The following USP40 variants were observed in gnomAD, a reference collection of about 807,000 sequenced individuals.
The protein encoded by USP40 is ubiquitin specific peptidase 40.
Under a neutral mutation model 166.2 loss-of-function variants are expected in USP40, and 143 were observed. The observed-to-expected ratio is 0.86, with a 90% CI of 0.75 to 0.99. The LOEUF is 0.99. Among genes scored for constraint, USP40 ranks in the 50% least tolerant of loss-of-function variants. The pLI is 0.00. For missense variants in USP40, 1,444 were observed against 1,479.7 expected (o/e 0.98, Z 0.40); for synonymous variants, 498 against 524.0 (o/e 0.95, Z 0.68).
intron 26 of USP40, among the ~76,000 whole-genome samples, chr2:233,490,857 T>A (rs762178637): frequency 6.6e-6 from 1 of 152,176 alleles, no homozygotes; most frequent in African/African-American, 2.4e-5. Context: ...ATAAAGTGAA[T>A]GCTTTACAAA....
At chr2:233,497,056 G>A (rs1468119963) in intron 23 of USP40, among the ~76,000 whole-genome samples, 1 of 152,168 alleles carries the variant, frequency 6.6e-6, no homozygotes, top group Non-Finnish European at 1.5e-5. Context: ...TGAGGCAAGG[G>A]AGTTAGATGA....
rs1347196975 is a variant in USP40, at chr2:233,521,100, T to G, written c.2216A>C (p.Glu739Ala). ...SHDDNSLLTK[E>A]EKWVTSMNEI... ...ATTCATACTAGTGACCCATTTCTCT[T>G]CCTTGGTCAACAAGCTGTAGGTAAA... The change falls in exon 17 of 32, where the codon GAA becomes GCA. Residue 739 changes from glutamate (E) to alanine (A), a missense_variant. Transcript: ENST00000678225. 1 of 1,611,734 alleles carries G rather than the reference T, an allele frequency of 6.2e-7. No homozygotes were observed. The highest frequency in any genetic ancestry group is 1.1e-5 in the South Asian group (1 of 90,682).
At chr2:233,482,778 C>T (rs1414727384) in intron 30 of USP40, among the ~76,000 whole-genome samples, 1 of 152,144 alleles carries the variant, frequency 6.6e-6, no homozygotes, top group Admixed American at 6.5e-5. Context: ...AAGTGATCTG[C>T]CTGCCTTGGC....
chr2:233,542,365 T>C lies in USP40; in HGVS notation c.967-2A>G. On this transcript the variant is annotated splice_acceptor_variant, in intron 8 of 31. Coordinates refer to ENST00000678225, the MANE Select transcript of USP40 (RefSeq NM_001365479.2). LOFTEE classifies it high-confidence loss of function. ...CACATCTGGTTTACTTTTTTCCTCC[T>C]AGGAAGGAAAACAGTATGAGTTTCT... 1 of 1,532,524 alleles carries C rather than the reference T, an allele frequency of 6.5e-7. No homozygotes were observed. Among genetic ancestry groups the C allele is most frequent in the Non-Finnish European group, 8.8e-7 (1 of 1,134,172 alleles). The allele number at this position is 1,532,524 out of a possible 1,614,324, so 94.9% of individuals were successfully genotyped here. A position where few individuals can be genotyped will look rare whatever the true frequency, so the allele number is the denominator to read the frequency against.
chr2:233,534,083 G>A lies in USP40; in HGVS notation c.1171-304C>T, dbSNP rs1280256176. Among the ~76,000 whole-genome samples, 7 of 152,122 alleles carry A rather than the reference G, an allele frequency of 4.6e-5. No homozygotes were observed. The East Asian group carries it at 1.3e-3, about 29-fold the overall frequency. ...GTATTTAACTGGAACAGATTAGGTA[G>A]AACAAACACTTTTGAAATATTTAAA... On this transcript the variant is annotated intron_variant, in intron 10 of 31. Coordinates refer to ENST00000678225, the MANE Select transcript of USP40 (RefSeq NM_001365479.2).
intron 27 of USP40, among the ~76,000 whole-genome samples, chr2:233,488,523 T>C (rs781776477): frequency 1.3e-5 from 2 of 152,232 alleles, no homozygotes; most frequent in African/African-American, 2.4e-5. Context: ...TAGGTCTGGC[T>C]CTGGGAAGAT....
intron 8 of USP40, among the ~76,000 whole-genome samples, chr2:233,547,866 G>C (rs1029574491): frequency 6.6e-6 from 1 of 152,136 alleles, no homozygotes; most frequent in African/African-American, 2.4e-5. Context: ...TTACTGACAA[G>C]GTGATTCTAG....
intron 18 of USP40, 56 bp downstream of exon 18, chr2:233,519,553 CTTCAA>C (rs1485436625): frequency 1.2e-5 from 14 of 1,126,436 alleles, no homozygotes; most frequent in Non-Finnish European, 2.6e-6. Flanking sequence ...CCTATATTTT[CTTCAA>C]TTCAAGACCA....
chr2:233,554,423 A>C lies in USP40; in HGVS notation c.650T>G (p.Leu217Trp), dbSNP rs761280561. Residue 217 changes from leucine to tryptophan, a missense_variant, in exon 6 of 32, where the codon TTG becomes TGG. Coordinates refer to ENST00000678225, the MANE Select transcript of USP40 (RefSeq NM_001365479.2). ...CCTGTCACAAGTTCCACAGTGGTAC[A>C]AGTTGTCACAATCAAAAACTTCCTC... Reference protein sequence around the residue: ...VEEEVFDCDNLYHCGTCDRLV... With the variant: ...VEEEVFDCDNWYHCGTCDRLV... The C allele has an allele frequency of 1.2e-6, 2 of 1,613,274 alleles. No individual in the cohort carries two copies. Among genetic ancestry groups the C allele is most frequent in the South Asian group, 2.2e-5 (2 of 90,974 alleles).
chr2:233,553,715 G>C (rs1225293673), intron 6 of USP40, among the ~76,000 whole-genome samples: 2 of 152,136 alleles, frequency 1.3e-5, no homozygotes, highest in Non-Finnish European at 2.9e-5. Context: ...TATACTACAG[G>C]AATGGCTACT....
At chr2:233,559,621 TA>T (rs2071398218) in intron 4 of USP40, among the ~76,000 whole-genome samples, 189 bp downstream of exon 4, 1 of 152,246 alleles carries the variant, frequency 6.6e-6, no homozygotes, top group Non-Finnish European at 1.5e-5. Flanking sequence ...CAGCCATTCA[TA>T]AAATCCTGTA....
At position 233,480,636 on chromosome 2, in the gene USP40, G is replaced by A. The variant is rs1373466583; in HGVS notation, c.3599+567C>T. Among the ~76,000 whole-genome samples, 2 of 152,248 alleles carry A rather than the reference G, an allele frequency of 1.3e-5. No homozygotes were observed. The highest frequency in any genetic ancestry group is 1.5e-5 in the Non-Finnish European group (1 of 68,046). On this transcript the variant is annotated intron_variant, in intron 31 of 31. Transcript: ENST00000678225. The surrounding 1 kb of genome is among the most constrained non-coding windows in gnomAD (Gnocchi z 4.5). The stretch of plus-strand genomic sequence containing the variant: ...CAGGCGGCGCCAGAGCTGGGAGGAG[G>A]GAGAGAGGCAAGGAGTCCTGAGCAG...
intron 5 of USP40, among the ~76,000 whole-genome samples, chr2:233,555,842 C>T (rs1402972115): frequency 3.9e-5 from 6 of 151,944 alleles, no homozygotes; most frequent in East Asian, 3.9e-4. Flanking sequence ...GGGCCAGGCG[C>T]GGTGGCTCAT....
Position 233,542,343 on chromosome 2 carries a change from A to C in USP40, c.987T>G (p.Asp329Glu), listed in dbSNP as rs1257343002. Reference sequence around the variant, plus strand: ...CACTCTGGAGATCTTTCAGATTCACATCTGGTTTACTTTTTTCCTCCTAGG... The same window carrying C: ...CACTCTGGAGATCTTTCAGATTCACCTCTGGTTTACTTTTTTCCTCCTAGG... ...WQFQEEKSKP[D>E]VNLKDLQSEE... is the part of the protein sequence containing the mutation. The change falls in exon 9 of 32, where the codon GAT (aspartate) becomes GAG (glutamate). Residue 329 changes from aspartate (D) to glutamate (E), a missense_variant. Transcript: ENST00000678225. 6.4e-7 allele frequency: 1 copy of C among 1,555,744 alleles called. No homozygotes were observed. The highest frequency in any genetic ancestry group is 1.9e-5 in the Admixed American group (1 of 51,892).
At chr2:233,516,872 A>T (rs1038725999) in intron 18 of USP40, among the ~76,000 whole-genome samples, 4 of 151,912 alleles carry the variant, frequency 2.6e-5, no homozygotes, top group Non-Finnish European at 5.9e-5. Flanking sequence ...GAAAAAAAAA[A>T]AAAAAGAATA....
At chr2:233,488,569 C>G (rs1163013500) in intron 27 of USP40, among the ~76,000 whole-genome samples, 1 of 152,128 alleles carries the variant, frequency 6.6e-6, no homozygotes, top group East Asian at 1.9e-4. Flanking sequence ...TCTGTTCAGC[C>G]GGGGTTAAGA....
At chr2:233,490,968 A>G (rs1266365393) in intron 26 of USP40, 199 bp downstream of exon 26, 14 of 701,062 alleles carry the variant, frequency 2.0e-5, no homozygotes, top group Non-Finnish European at 3.5e-5. Flanking sequence ...CTGTCAGAGG[A>G]GGGACCAGTG....
At chr2:233,525,861 AG>A (rs1382992526) in intron 13 of USP40, among the ~76,000 whole-genome samples, 1 of 152,226 alleles carries the variant, frequency 6.6e-6, no homozygotes, top group Non-Finnish European at 1.5e-5. Flanking sequence ...TCAGAAAGCA[AG>A]TTGATGAGCA....
intron 8 of USP40, among the ~76,000 whole-genome samples, chr2:233,547,917 A>G (rs1234878778): frequency 6.6e-6 from 1 of 152,122 alleles, no homozygotes; most frequent in African/African-American, 2.4e-5. Context: ...CAGGTCCCAC[A>G]CTCCTGAAGA....
Sources: allele counts gnomAD v4.1 joint callset (sites outside exome capture counted in the v4.1 genomes callset), GRCh38; gene constraint gnomAD v4.1.1; non-coding constraint Gnocchi (gnomAD v3.1); transcripts MANE v1.5; gene names NCBI Gene and HGNC (gene_info 2026-07-23, HGNC 2026-07-21).